The following PCDH15 variants were observed in gnomAD, a reference collection of about 807,000 sequenced individuals.
PCDH15 encodes protocadherin related 15.
Under a neutral mutation model 178.5 loss-of-function variants are expected in PCDH15, and 129 were observed. The observed-to-expected ratio is 0.72, with a 90% CI of 0.63 to 0.84. The LOEUF is 0.84. Ranked by LOEUF, PCDH15 falls within the 40% of genes least tolerant of loss-of-function variation. The probability of loss-of-function intolerance (pLI) is 0.00; values close to 1 mark genes in which losing one functional copy is unlikely to be tolerated. For synonymous variants in PCDH15, 800 were observed against 732.0 expected, an observed-to-expected ratio of 1.09 and a Z score of -1.50; for missense variants, 2,230 against 2,099.9, an observed-to-expected ratio of 1.06 and a Z score of -1.21.
chr10:53,808,325 T>A (rs1338002158), intron 37 of PCDH15: 4 of 473,978 alleles, frequency 8.4e-6, no homozygotes, highest in Non-Finnish European at 1.1e-5. Context: ...ATATAGTGTG[T>A]GTGTGTATAT....
At chr10:53,823,081 C>T (rs750130463) in intron 32 of PCDH15, 1 of 1,614,006 alleles carries the variant, frequency 6.2e-7, no homozygotes, top group Non-Finnish European at 8.5e-7. Flanking sequence ...AATGGGTCTA[C>T]AAAATCTGTT....
intron 1 of PCDH15, among the ~76,000 whole-genome samples, chr10:54,734,089 TA>T (rs59865022): frequency 6.6e-6 from 1 of 151,300 alleles, no homozygotes; most frequent in Non-Finnish European, 1.5e-5. Flanking sequence ...TTAACACACT[TA>T]AAAAAATGCT....
intron 1 of PCDH15, among the ~76,000 whole-genome samples, chr10:54,728,867 G>A (rs1942951684): frequency 6.6e-6 from 1 of 151,486 alleles, no homozygotes; most frequent in South Asian, 2.1e-4. Context: ...CAGCTAACTA[G>A]GGAGGTGAAA....
At chr10:54,392,133 A>G (rs1348478616) in intron 3 of PCDH15, among the ~76,000 whole-genome samples, 2 of 152,062 alleles carry the variant, frequency 1.3e-5, no homozygotes, top group Admixed American at 6.5e-5. Context: ...CACTATAAGA[A>G]TTGCATACAC....
intron 2 of PCDH15, among the ~76,000 whole-genome samples, chr10:55,384,064 C>T (rs1837597814): frequency 6.6e-6 from 1 of 152,068 alleles, no homozygotes; most frequent in African/African-American, 2.4e-5. Flanking sequence ...AGTAATAAAA[C>T]ATTAAATAAT....
intron 32 of PCDH15, chr10:53,822,320 C>G (rs534255804): frequency 6.2e-7 from 1 of 1,601,938 alleles, no homozygotes; most frequent in South Asian, 1.1e-5. Context: ...GGGGACCAGA[C>G]GTTGAAACGG....
intron 3 of PCDH15, among the ~76,000 whole-genome samples, chr10:54,459,779 G>A (rs906601227): frequency 6.6e-6 from 1 of 152,138 alleles, no homozygotes; most frequent in Admixed American, 6.6e-5. Flanking sequence ...GAAGGCCTGT[G>A]AAGTCACACA....
intron 1 of PCDH15, among the ~76,000 whole-genome samples, chr10:54,678,169 C>T (rs1307442918): frequency 7.9e-5 from 12 of 152,112 alleles, no homozygotes; most frequent in African/African-American, 2.4e-4. Flanking sequence ...TATATACACA[C>T]ACACATATAT....
chr10:54,181,306 A>G (rs1195947418), intron 13 of PCDH15, among the ~76,000 whole-genome samples: 2 of 152,126 alleles, frequency 1.3e-5, no homozygotes, highest in East Asian at 1.9e-4. Flanking sequence ...TATTCATTCA[A>G]TATTACTTGT....
At position 55,026,760 on chromosome 10, in the gene PCDH15, G is replaced by A. The variant is rs564133879; in HGVS notation, c.-79-129260C>T. ...TCAATATCTGGAGGATATTTTTGTG[G>A]GAAGACAGATGGCATAGTCAGTTTT... On this transcript the variant is annotated intron_variant, in intron 2 of 5. Coordinates refer to the PCDH15 transcript ENST00000458638. Among the ~76,000 whole-genome samples, 5 of 152,000 alleles carry A rather than the reference G, an allele frequency of 3.3e-5. No individual in the cohort carries two copies. In the East Asian group the frequency reaches 9.7e-4, roughly 29 times the overall value.
chr10:54,056,907 T>C (rs1402137177), intron 18 of PCDH15, among the ~76,000 whole-genome samples: 1 of 152,102 alleles, frequency 6.6e-6, no homozygotes, highest in Non-Finnish European at 1.5e-5. Context: ...TGAGAGAAAT[T>C]GGCCAAAACA....
At chr10:54,022,847 T>C in intron 19 of PCDH15, 45 bp downstream of exon 19, 1 of 1,600,740 alleles carries the variant, frequency 6.2e-7, no homozygotes, top group Non-Finnish European at 8.6e-7. Context: ...TAATAGCAAA[T>C]CTCCTAATGT....
At chr10:54,448,620 T>G (rs761385916) in intron 3 of PCDH15, among the ~76,000 whole-genome samples, 1 of 151,518 alleles carries the variant, frequency 6.6e-6, no homozygotes, top group Non-Finnish European at 1.5e-5. Context: ...TGGAAAACAT[T>G]AAAAAAAGGA....
At chr10:55,030,064 T>G (rs1370083085) in intron 2 of PCDH15, among the ~76,000 whole-genome samples, 1 of 152,202 alleles carries the variant, frequency 6.6e-6, no homozygotes, top group Non-Finnish European at 1.5e-5. Context: ...TAAAATATTT[T>G]GTCTTACACA....
At chr10:55,006,909 G>A (rs887948093) in intron 2 of PCDH15, among the ~76,000 whole-genome samples, 1 of 152,122 alleles carries the variant, frequency 6.6e-6, no homozygotes. Context: ...CTGTAGGTGG[G>A]GCCTGGTGGG....
rs959848308 is a variant in PCDH15 at position 54,036,775 on chromosome 10, G to A, written c.2221-13578C>T. Among the ~76,000 whole-genome samples, 3 of 152,000 alleles carry A rather than the reference G, an allele frequency of 2.0e-5. No individual in the cohort carries two copies. In the South Asian group the frequency reaches 6.2e-4, roughly 32 times the overall value. On this transcript the variant is annotated intron_variant, in intron 18 of 37. Transcript: ENST00000644397. ...ATTATATAAGAAATAAATTTCATAA[G>A]ATTATAGCTGTCATTGATAGTTATT...
intron 2 of PCDH15, among the ~76,000 whole-genome samples, chr10:54,955,079 T>C (rs1838447368): frequency 6.6e-6 from 1 of 151,356 alleles, no homozygotes; most frequent in East Asian, 1.9e-4. Context: ...TATTGTCCAA[T>C]AGTGAATTGT....
chr10:54,751,705 A>AT (rs567624469), intron 1 of PCDH15, among the ~76,000 whole-genome samples: 150 of 152,232 alleles, frequency 9.9e-4, no homozygotes, highest in African/African-American at 3.3e-3. Flanking sequence ...AAGAAAACAG[A>AT]TTTTTTTCCA....
At position 53,915,955 on chromosome 10, in the gene PCDH15, TTGGTCCCAGGACCCCCTTC is replaced by T. The variant is rs1386849676; in HGVS notation, c.3374-12604_3374-12586del. 7.2e-5 allele frequency among the ~76,000 whole-genome samples: 11 copies of T among 152,298 alleles called. No individual in the cohort carries two copies. The East Asian group carries it at 1.7e-3, about 24-fold the overall frequency. On this transcript the variant is annotated intron_variant, in intron 25 of 37. Coordinates refer to ENST00000644397, the MANE Select transcript of PCDH15 (RefSeq NM_001384140.1). Reference sequence around the variant, plus strand: ...GTCATTCCTCAGTATCTGTGGGGGATTGGTCCCAGGACCCCCTTCTGATACCAGAATCCACATATACTGA... The same window carrying T: ...GTCATTCCTCAGTATCTGTGGGGGATTGATACCAGAATCCACATATACTGA...
Sources: allele counts gnomAD v4.1 joint callset (sites outside exome capture counted in the v4.1 genomes callset), GRCh38; gene constraint gnomAD v4.1.1; transcripts MANE v1.5; gene names NCBI Gene and HGNC (gene_info 2026-07-23, HGNC 2026-07-21).